Variants in CA10 observed in about 807,000 individuals in gnomAD.
The protein encoded by CA10 is carbonic anhydrase 10 (inactive).
CA10 carries 14 observed loss-of-function variants against 44.2 expected under a neutral mutation model. The ratio of observed to expected loss-of-function variants is 0.32; its 90% CI spans 0.21 to 0.50. The LOEUF (loss-of-function observed/expected upper bound fraction) is 0.50. CA10 is among the 20% of genes least tolerant of loss of function. The pLI, the probability that CA10 is intolerant of heterozygous loss-of-function variation, is 0.99. For missense variants in CA10, 350 were observed against 409.7 expected (o/e 0.85, Z 1.26); for synonymous variants, 159 against 141.6 (o/e 1.12, Z -0.87).
intron 1 of CA10, among the ~76,000 whole-genome samples, chr17:52,107,134 T>A (rs1175162496): frequency 6.6e-6 from 1 of 152,208 alleles, no homozygotes; most frequent in Non-Finnish European, 1.5e-5. Flanking sequence ...AGGAGAAGGT[T>A]GAGGTAGGAC....
At chr17:51,838,399 C>A in intron 3 of CA10, among the ~76,000 whole-genome samples, 1 of 152,316 alleles carries the variant, frequency 6.6e-6, no homozygotes, top group East Asian at 1.9e-4. Flanking sequence ...TAAATCAACA[C>A]ACATTTGCCT....
intron 3 of CA10, among the ~76,000 whole-genome samples, chr17:51,831,738 G>GCAGCAGCAGCAGCAGCAGCAGCAGC (rs1908285836): frequency 6.6e-6 from 1 of 150,644 alleles, no homozygotes; most frequent in Admixed American, 6.6e-5. Flanking sequence ...AGCAGAAAAA[G>GCAGCAGCAGCAGCAGCAGCAGCAGC]ACCTTCCTTC....
intron 2 of CA10, among the ~76,000 whole-genome samples, chr17:52,037,641 T>C (rs1986654594): frequency 6.6e-6 from 1 of 152,058 alleles, no homozygotes; most frequent in Non-Finnish European, 1.5e-5. Context: ...TCTCACCCTC[T>C]CCCCAAGGAC....
intron 3 of CA10, among the ~76,000 whole-genome samples, chr17:51,861,595 T>G (rs1288228751): frequency 6.6e-6 from 1 of 151,782 alleles, no homozygotes; most frequent in East Asian, 1.9e-4. Flanking sequence ...TATACCAACT[T>G]TATATATAGT....
chr17:51,857,543 A>C (rs926390077), intron 3 of CA10, among the ~76,000 whole-genome samples: 4 of 152,208 alleles, frequency 2.6e-5, no homozygotes, highest in Admixed American at 2.0e-4. Flanking sequence ...AATCTGGTTC[A>C]GATAATGATG....
Position 51,934,532 on chromosome 17 carries a change from G to A in CA10, c.137-3400C>T, listed in dbSNP as rs1982787133. ...GTTAAAATAAATTTCAAGTGCAAAG[G>A]TTTGAATCAAACTGCTTTGAAAGTC... On this transcript the variant is annotated intron_variant, in intron 2 of 8. Transcript: ENST00000451037. 2.6e-5 allele frequency among the ~76,000 whole-genome samples: 4 copies of A among 152,114 alleles called. No homozygotes were observed. In the South Asian group the frequency reaches 8.3e-4, roughly 32 times the overall value.
chr17:52,094,282 G>A (rs1280745964), intron 1 of CA10, among the ~76,000 whole-genome samples: 1 of 148,054 alleles, frequency 6.8e-6, no homozygotes, highest in African/African-American at 2.5e-5. Context: ...ATAACTTAAA[G>A]TATAATTTAA....
chr17:51,807,348 G>A (rs1907175786), intron 3 of CA10, among the ~76,000 whole-genome samples: 1 of 152,158 alleles, frequency 6.6e-6, no homozygotes, highest in Non-Finnish European at 1.5e-5. Context: ...TAGTCAGAAG[G>A]CCATGCATTC....
intron 3 of CA10, among the ~76,000 whole-genome samples, chr17:51,917,900 G>T (rs1046644441): frequency 3.9e-5 from 6 of 152,124 alleles, no homozygotes; most frequent in African/African-American, 1.2e-4. Context: ...CATCTTTGCT[G>T]AACTTCTCCC....
chr17:51,768,166 C>CT lies in CA10; in HGVS notation c.280-20349dup, dbSNP rs59128137. ...TAGCCTGGATCCACATAAAGATGTG[C>CT]TTTTTTTTTTTTTTTCTTGTTTATC... is the stretch of plus-strand genomic sequence containing the variant. On this transcript the variant is annotated intron_variant, in intron 3 of 8. Transcript: ENST00000451037. 5.1e-3 allele frequency among the ~76,000 whole-genome samples: 717 copies of CT among 141,790 alleles called. 3 individuals are homozygous for CT. The highest frequency in any genetic ancestry group is 0.011 in the African/African-American group (441 of 38,600). 93.0% of individuals were successfully genotyped at this position (141,790 alleles called of 152,430 possible).
rs78888169 is a variant in CA10 at position 51,757,885 on chromosome 17, T to C, written c.280-10067A>G. On this transcript the variant is annotated intron_variant, in intron 3 of 8. Coordinates refer to ENST00000451037, the MANE Select transcript of CA10 (RefSeq NM_020178.5). ...TTTTTTTTTTCTTTTGCAATGCATC[T>C]TTGAAAGAAAGCAGAAGGGAAATAT... Among the ~76,000 whole-genome samples the C allele has an allele frequency of 4.1e-3, 631 of 152,174 alleles. 5 individuals are homozygous for C. The highest frequency in any genetic ancestry group is 0.014 in the African/African-American group (591 of 41,526).
chr17:51,739,785 A>G (rs1007585533), intron 4 of CA10, among the ~76,000 whole-genome samples: 1 of 152,176 alleles, frequency 6.6e-6, no homozygotes. Context: ...CCCTACCACC[A>G]TCTGAGCTTC....
intron 2 of CA10, among the ~76,000 whole-genome samples, chr17:52,067,249 C>T (rs1033959477): frequency 1.3e-5 from 2 of 152,246 alleles, no homozygotes; most frequent in Non-Finnish European, 2.9e-5. Context: ...GGCTTGGTGC[C>T]CTGCATTCCA....
At chr17:52,095,316 C>T (rs1503056) in intron 1 of CA10, among the ~76,000 whole-genome samples, 91,203 of 151,796 alleles carry the variant, frequency 0.6, 28,639 homozygotes, top group African/African-American at 0.79. Context: ...TGGGTGAGGG[C>T]GAAGGGTGTT....
intron 1 of CA10, among the ~76,000 whole-genome samples, chr17:52,100,751 C>G (rs551151070): frequency 1.3e-4 from 20 of 152,276 alleles, no homozygotes; most frequent in African/African-American, 3.6e-4. Context: ...CAAGGAACAT[C>G]TCAAATATAT....
intron 2 of CA10, among the ~76,000 whole-genome samples, chr17:51,979,410 T>C (rs1598150249): frequency 6.6e-6 from 1 of 152,142 alleles, no homozygotes; most frequent in Admixed American, 6.6e-5. Flanking sequence ...TGGGGTTTGT[T>C]GTACAGATTA....
chr17:51,699,321 C>G (rs1277737259), intron 4 of CA10, among the ~76,000 whole-genome samples: 1 of 126,058 alleles, frequency 7.9e-6, no homozygotes, highest in Non-Finnish European at 1.8e-5. Flanking sequence ...GAAACTCCAT[C>G]TCAAAAAAAA....
At chr17:51,686,183 C>G (rs1330734861) in intron 4 of CA10, among the ~76,000 whole-genome samples, 2 of 152,160 alleles carry the variant, frequency 1.3e-5, no homozygotes, top group Non-Finnish European at 2.9e-5. Flanking sequence ...TGCACAAGCT[C>G]TCTTGCTTGT....
At chr17:51,783,831 T>C (rs1489514971) in intron 3 of CA10, among the ~76,000 whole-genome samples, 2 of 152,176 alleles carry the variant, frequency 1.3e-5, no homozygotes, top group Non-Finnish European at 2.9e-5. Context: ...GTTCTGAGGT[T>C]CATCCTGGCC....
Sources: gnomAD v4.1 joint callset for allele counts (sites outside exome capture counted in the v4.1 genomes callset) on GRCh38, gnomAD v4.1.1 for gene constraint, MANE v1.5 for transcripts, NCBI Gene and HGNC (gene_info 2026-07-23, HGNC 2026-07-21) for gene names.